Variants in GRIK3 observed in about 807,000 individuals in gnomAD.
GRIK3 encodes glutamate ionotropic receptor kainate type subunit 3.
Under a neutral mutation model 102.5 loss-of-function variants are expected in GRIK3, and 29 were observed. The ratio of observed to expected loss-of-function variants is 0.28; its 90% CI spans 0.21 to 0.39. The LOEUF is 0.39. GRIK3 is among the 10% of genes least tolerant of loss of function. The pLI, the probability that GRIK3 is intolerant of heterozygous loss-of-function variation, is 1.00. For synonymous variants in GRIK3, 511 were observed against 504.9 expected (o/e 1.01, Z -0.16); for missense variants, 908 against 1,252.4 (o/e 0.73, Z 4.15).
intron 1 of GRIK3, among the ~76,000 whole-genome samples, chr1:37,027,094 C>T (rs1642772376): frequency 6.6e-6 from 1 of 151,942 alleles, no homozygotes; most frequent in Non-Finnish European, 1.5e-5. Flanking sequence ...AAACCATGGC[C>T]AAGGTCAATA....
At chr1:36,818,517 T>C (rs1642655409) in intron 12 of GRIK3, among the ~76,000 whole-genome samples, 1 of 152,246 alleles carries the variant, frequency 6.6e-6, no homozygotes, top group African/African-American at 2.4e-5. Flanking sequence ...GAGCAGCTTA[T>C]TTGAGTCACT....
At chr1:36,955,133 G>C (rs971217250) in intron 1 of GRIK3, among the ~76,000 whole-genome samples, 2 of 152,238 alleles carry the variant, frequency 1.3e-5, no homozygotes, top group African/African-American at 4.8e-5. Flanking sequence ...TGGGTCCTGA[G>C]CTCACTGATT....
chr1:36,941,915 T>C (rs1250561256), intron 1 of GRIK3, among the ~76,000 whole-genome samples: 4 of 152,200 alleles, frequency 2.6e-5, no homozygotes, highest in African/African-American at 9.6e-5. Flanking sequence ...CTAGGTAGCC[T>C]ATCCCCCCCT....
chr1:36,904,591 G>A (rs540003332), intron 1 of GRIK3, among the ~76,000 whole-genome samples: 148 of 151,946 alleles, frequency 9.7e-4, no homozygotes, highest in Admixed American at 2.0e-3. Context: ...ACATAATATT[G>A]AAAAAAATAG....
At chr1:36,961,746 G>A (rs1642012330) in intron 1 of GRIK3, among the ~76,000 whole-genome samples, 1 of 152,238 alleles carries the variant, frequency 6.6e-6, no homozygotes, top group South Asian at 2.1e-4. Context: ...GTGAATGAAG[G>A]TTGTCCTGCT....
intron 1 of GRIK3, among the ~76,000 whole-genome samples, chr1:36,989,063 G>A (rs970863957): frequency 1.3e-5 from 2 of 151,906 alleles, no homozygotes; most frequent in African/African-American, 4.8e-5. Flanking sequence ...GTGATGCTCA[G>A]ACACACCTCC....
chr1:36,884,454 C>T (rs767023083), intron 2 of GRIK3, among the ~76,000 whole-genome samples: 15 of 152,272 alleles, frequency 9.9e-5, no homozygotes, highest in South Asian at 4.2e-4. Flanking sequence ...ATATCTTCCC[C>T]GACAACCTTG....
intron 2 of GRIK3, among the ~76,000 whole-genome samples, chr1:36,883,169 T>C (rs114119689): frequency 1.2e-4 from 18 of 152,334 alleles, no homozygotes; most frequent in African/African-American, 4.1e-4. Context: ...AGTGGAAGCC[T>C]ACATACCATA....
At chr1:36,854,470 G>A (rs1640626027) in intron 7 of GRIK3, among the ~76,000 whole-genome samples, 1 of 152,150 alleles carries the variant, frequency 6.6e-6, no homozygotes, top group South Asian at 2.1e-4. Flanking sequence ...AACACAGAGA[G>A]AGGAAGGCAG....
intron 1 of GRIK3, among the ~76,000 whole-genome samples, chr1:36,948,777 C>T (rs1417878124): frequency 6.6e-6 from 1 of 152,180 alleles, no homozygotes; most frequent in Non-Finnish European, 1.5e-5. Context: ...AGCGCCTGGC[C>T]TCCTTGTCTC....
chr1:36,987,801 T>A (rs950988635), intron 1 of GRIK3, among the ~76,000 whole-genome samples: 1 of 152,016 alleles, frequency 6.6e-6, no homozygotes, highest in Non-Finnish European at 1.5e-5. Context: ...TCCTCTGAGA[T>A]GAGGCAAGTC....
intron 1 of GRIK3, among the ~76,000 whole-genome samples, chr1:36,993,146 C>A (rs1642380594): frequency 6.6e-6 from 1 of 152,124 alleles, no homozygotes; most frequent in African/African-American, 2.4e-5. Flanking sequence ...CATGGCAAAC[C>A]TAGGGTGCCA....
chr1:36,818,743 T>A (rs923089579), intron 12 of GRIK3, among the ~76,000 whole-genome samples: 1 of 152,246 alleles, frequency 6.6e-6, no homozygotes, highest in Non-Finnish European at 1.5e-5. Context: ...CTGATGGATA[T>A]CTACTGAGGA....
chr1:36,808,632 A>C (rs1642526145), intron 13 of GRIK3, among the ~76,000 whole-genome samples: 1 of 152,226 alleles, frequency 6.6e-6, no homozygotes, highest in Non-Finnish European at 1.5e-5. Context: ...TTTGGAGAAC[A>C]TGCCTTGAAA....
intron 1 of GRIK3, among the ~76,000 whole-genome samples, chr1:36,984,967 G>A (rs1642289198): frequency 5.3e-5 from 8 of 152,218 alleles, no homozygotes; most frequent in Admixed American, 5.2e-4. Flanking sequence ...CTGGGATGTG[G>A]CTTGAAGCCT....
intron 1 of GRIK3, among the ~76,000 whole-genome samples, chr1:37,031,757 T>G (rs1431255057): frequency 6.6e-6 from 1 of 152,102 alleles, no homozygotes; most frequent in African/African-American, 2.4e-5. Context: ...CAAGGTGGTG[T>G]GTTTGGATTT....
chr1:36,986,065 C>T (rs1305849772), intron 1 of GRIK3, among the ~76,000 whole-genome samples: 1 of 152,086 alleles, frequency 6.6e-6, no homozygotes, highest in East Asian at 1.9e-4. Context: ...TCACCCAGCC[C>T]AAGAAGAAGG....
Position 36,801,627 on chromosome 1 carries a change from G to A in GRIK3, c.*224C>T, listed in dbSNP as rs577949454. On this transcript the variant is annotated 3_prime_UTR_variant, in exon 16 of 16. Transcript: ENST00000373091. ...TCCTTTGGCCTTGGCTATCTCGGCTGGCAGCTTTAGAAACCCACAGAAGAT... is the reference window on the plus strand; with the variant it reads ...TCCTTTGGCCTTGGCTATCTCGGCTAGCAGCTTTAGAAACCCACAGAAGAT... 1 of 427,948 alleles carries A rather than the reference G, an allele frequency of 2.3e-6. No individual in the cohort carries two copies. The highest frequency in any genetic ancestry group is 3.6e-5 in the East Asian group (1 of 28,004). 26.5% of individuals were successfully genotyped at this position (427,948 alleles called of 1,614,324 possible). A position where few individuals can be genotyped will look rare whatever the true frequency, so the allele number is the denominator to read the frequency against.
At chr1:36,857,329 G>A (rs1640664718) in intron 7 of GRIK3, among the ~76,000 whole-genome samples, 2 of 152,194 alleles carry the variant, frequency 1.3e-5, no homozygotes, top group Non-Finnish European at 2.9e-5. Flanking sequence ...AGGTCTCAGA[G>A]TTCCCTGAGA....
Sources: gnomAD v4.1 joint callset for allele counts (sites outside exome capture counted in the v4.1 genomes callset) on GRCh38, gnomAD v4.1.1 for gene constraint, MANE v1.5 for transcripts, NCBI Gene and HGNC (gene_info 2026-07-23, HGNC 2026-07-21) for gene names.